The following AFF2 variants were observed in gnomAD, a reference collection of about 807,000 sequenced individuals.
The protein encoded by AFF2 is AF4/FMR2 family member 2.
AFF2 carries 14 observed loss-of-function variants against 76.9 expected under a neutral mutation model. The ratio of observed to expected loss-of-function variants is 0.18; its 90% CI spans 0.12 to 0.28. The LOEUF is 0.28. AFF2 is among the 10% of genes least tolerant of loss of function. The probability of loss-of-function intolerance (pLI) is 1.00; values close to 1 mark genes in which losing one functional copy is unlikely to be tolerated. For synonymous variants in AFF2, 398 were observed against 366.7 expected, an observed-to-expected ratio of 1.09 and a Z score of -0.98; for missense variants, 868 against 1,001.1, an observed-to-expected ratio of 0.87 and a Z score of 1.79.
intron 3 of AFF2, among the ~76,000 whole-genome samples, chrX:148,682,430 C>T (rs1301152426): frequency 1.8e-5 from 2 of 112,111 alleles, no homozygotes; most frequent in Non-Finnish European, 3.8e-5. Context: ...GAACCTGAGT[C>T]TCACAGGTTA....
chrX:148,521,366 A>ACGTG (rs1286721939), intron 1 of AFF2, among the ~76,000 whole-genome samples: 7 of 87,508 alleles, frequency 8.0e-5, no homozygotes, highest in African/African-American at 3.1e-4. Context: ...CCTGAAAAGC[A>ACGTG]CGTGCATGCA....
intron 3 of AFF2, among the ~76,000 whole-genome samples, chrX:148,796,010 A>C (rs2069977461): frequency 9.7e-6 from 1 of 103,497 alleles, no homozygotes; most frequent in African/African-American, 3.5e-5. Flanking sequence ...GCATTATTTA[A>C]ATTGGTATAC....
intron 9 of AFF2, among the ~76,000 whole-genome samples, chrX:148,924,237 A>G (rs1417539204): frequency 8.9e-6 from 1 of 112,287 alleles, no homozygotes; most frequent in Non-Finnish European, 1.9e-5. Flanking sequence ...GATTTTCTTC[A>G]GGGACAGAAT....
chrX:148,970,765 A>G (rs1459414296), intron 15 of AFF2, among the ~76,000 whole-genome samples: 1 of 111,977 alleles, frequency 8.9e-6, no homozygotes, highest in Non-Finnish European at 1.9e-5. Context: ...CAACAGTCAT[A>G]CTACAGCTTC....
chrX:148,953,798 AACAC>A, intron 10 of AFF2, 59 bp downstream of exon 10: 6 of 838,931 alleles, frequency 7.2e-6, no homozygotes, highest in East Asian at 3.3e-5. Flanking sequence ...CAGCACCCTC[AACAC>A]ACACACACAC....
In AFF2 at chrX:148,956,076, A is replaced by C. The variant is rs1557287268; in HGVS notation, c.2031A>C (p.Lys677Asn). 8.3e-7 allele frequency: 1 copy of C among 1,210,829 alleles called. No individual in the cohort carries two copies. The highest frequency in any genetic ancestry group is 1.1e-6 in the Non-Finnish European group (1 of 895,257). ...PRGRNKATAH[K>N]PAPRKEPRPN... is the part of the protein sequence containing the mutation. Reference sequence around the variant, plus strand: ...GCCGCAACAAAGCCACTGCCCACAAACCAGCCCCTAGGAAAGAACCAAGAC... The same window carrying C: ...GCCGCAACAAAGCCACTGCCCACAACCCAGCCCCTAGGAAAGAACCAAGAC... The change falls in exon 11 of 21, where the codon AAA (lysine) becomes AAC (asparagine). Residue 677 changes from lysine to asparagine, a missense_variant. Physicochemically the swap from Lys to Asn is moderately conservative, Grantham distance 94. Transcript: ENST00000370460.
intron 7 of AFF2, among the ~76,000 whole-genome samples, chrX:148,885,083 G>A: frequency 8.9e-6 from 1 of 111,795 alleles, no homozygotes; most frequent in East Asian, 2.8e-4. Flanking sequence ...CAGTGTAGCT[G>A]GAATTTTAAG....
chrX:148,652,589 T>C (rs2054213169), intron 2 of AFF2, among the ~76,000 whole-genome samples: 1 of 112,119 alleles, frequency 8.9e-6, no homozygotes, highest in Non-Finnish European at 1.9e-5. Context: ...TGAGTGCTCT[T>C]TGAAAATCAT....
At chrX:148,786,530 G>A (rs138687588) in intron 3 of AFF2, among the ~76,000 whole-genome samples, 175 of 111,805 alleles carry the variant, frequency 1.6e-3, no homozygotes, top group Admixed American at 0.015. Context: ...CTTGTAGATC[G>A]CCATCTTATC....
At chrX:148,774,257 G>T (rs1040009704) in intron 3 of AFF2, among the ~76,000 whole-genome samples, 1 of 111,792 alleles carries the variant, frequency 8.9e-6, no homozygotes, top group Non-Finnish European at 1.9e-5. Context: ...ATTATTTAGC[G>T]CAAGAGGAAA....
At chrX:148,959,377 C>G (rs2072082027) in intron 12 of AFF2, among the ~76,000 whole-genome samples, 1 of 112,398 alleles carries the variant, frequency 8.9e-6, no homozygotes, top group Non-Finnish European at 1.9e-5. Flanking sequence ...AGTTTTGGAG[C>G]CTATTAGCAG....
chrX:148,887,631 G>C (rs1557279242), intron 8 of AFF2, among the ~76,000 whole-genome samples: 4 of 111,904 alleles, frequency 3.6e-5, no homozygotes, highest in Non-Finnish European at 5.6e-5. Context: ...CTGACTTTTT[G>C]TAAGTGCTGA....
In AFF2 at chrX:148,704,225, T is replaced by G. The variant is rs1254461294; in HGVS notation, c.1041+41457T>G. Among the ~76,000 whole-genome samples, 4 of 56,417 alleles carry G rather than the reference T, an allele frequency of 7.1e-5. No homozygotes were observed. In the Admixed American group the frequency reaches 8.8e-4, roughly 12 times the overall value. 49.0% of individuals were successfully genotyped at this position (56,417 alleles called of 115,157 possible). ...GGAAGTATTGGAAATCCTATATATA[T>G]ATGTGTGTATATATATATTTATATA... is the stretch of plus-strand genomic sequence containing the variant. On this transcript the variant is annotated intron_variant, in intron 3 of 20. Coordinates refer to ENST00000370460, the MANE Select transcript of AFF2 (RefSeq NM_002025.4).
intron 8 of AFF2, among the ~76,000 whole-genome samples, chrX:148,900,586 G>T (rs2071343281): frequency 9.0e-6 from 1 of 111,007 alleles, no homozygotes; most frequent in Non-Finnish European, 1.9e-5. Context: ...GGAGCTTCAG[G>T]GCTTCCCCAT....
chrX:148,701,012 ATGTGTGTG>A (rs10675200), intron 3 of AFF2, among the ~76,000 whole-genome samples: 10 of 73,737 alleles, frequency 1.4e-4, no homozygotes, highest in East Asian at 8.6e-4. Context: ...GAGAGAGAGA[ATGTGTGTG>A]TGTGTGTGTG....
Position 148,949,299 on chromosome X carries a change from A to G in AFF2, c.1398-4281A>G, listed in dbSNP as rs187942033. On this transcript the variant is annotated intron_variant, in intron 9 of 20. Coordinates refer to ENST00000370460, the MANE Select transcript of AFF2 (RefSeq NM_002025.4). ...ATCACATATAGAGTCTAGGGTGCCC[A>G]GACTATCTCTTAAAGCCCATTTTTT... 1.8e-3 allele frequency among the ~76,000 whole-genome samples: 204 copies of G among 111,517 alleles called. 2 individuals are homozygous for G. The highest frequency in any genetic ancestry group is 9.4e-3 in the Middle Eastern group (2 of 213).
intron 3 of AFF2, among the ~76,000 whole-genome samples, chrX:148,758,796 T>C (rs1375535583): frequency 2.7e-5 from 3 of 112,309 alleles, no homozygotes; most frequent in African/African-American, 9.7e-5. Flanking sequence ...TATTTAGCTT[T>C]TCTCCCTTAG....
intron 3 of AFF2, among the ~76,000 whole-genome samples, chrX:148,681,913 A>G (rs1298715891): frequency 9.0e-6 from 1 of 111,570 alleles, no homozygotes; most frequent in Non-Finnish European, 1.9e-5. Flanking sequence ...AGAAACATGC[A>G]TACTCACAAA....
Position 148,811,983 on chromosome X carries a change from C to CT in AFF2, c.1086+2076dup, listed in dbSNP as rs369549004. 2.0e-3 allele frequency among the ~76,000 whole-genome samples: 211 copies of CT among 103,030 alleles called. 1 individual carries two copies. The East Asian group carries it at 0.021, about 10-fold the overall frequency. 89.5% of individuals were successfully genotyped at this position (103,030 alleles called of 115,157 possible). ...GAAGGGCTATAGATTGTATAGAATTCTTTTTTTTTTTTTCCAACAACGCTG... is the reference window on the plus strand; with the variant it reads ...GAAGGGCTATAGATTGTATAGAATTCTTTTTTTTTTTTTTCCAACAACGCTG... On this transcript the variant is annotated intron_variant, in intron 4 of 20. Transcript: ENST00000370460.
Sources: gnomAD v4.1 joint callset for allele counts (sites outside exome capture counted in the v4.1 genomes callset) on GRCh38, gnomAD v4.1.1 for gene constraint, MANE v1.5 for transcripts, NCBI Gene and HGNC (gene_info 2026-07-23, HGNC 2026-07-21) for gene names.